Variants in CLNK observed in about 807,000 individuals in gnomAD.
The protein encoded by CLNK is cytokine-dependent hematopoietic cell linker.
In CLNK, 74 loss-of-function variants were observed where a neutral mutation model predicts 68.6. The observed-to-expected ratio is 1.08, with a 90% CI of 0.89 to 1.31. The LOEUF (loss-of-function observed/expected upper bound fraction) is 1.31, where lower values mean the gene tolerates loss of function less well. Among genes scored for constraint, CLNK ranks in the 50% most tolerant of loss-of-function variants. The pLI is 0.00. For missense variants in CLNK, 553 were observed against 515.3 expected (o/e 1.07, Z -0.71); for synonymous variants, 198 against 172.2 (o/e 1.15, Z -1.17).
At chr4:10,597,313 G>C (rs902976150) in intron 3 of CLNK, among the ~76,000 whole-genome samples, 1 of 152,190 alleles carries the variant, frequency 6.6e-6, no homozygotes, top group Non-Finnish European at 1.5e-5. Context: ...CTGCGCATGA[G>C]GATGTGGCCC....
chr4:10,585,105 A>T (rs1720923151), intron 3 of CLNK, 150 bp from the exon 4 acceptor site: 1 of 630,618 alleles, frequency 1.6e-6, no homozygotes, highest in African/African-American at 1.8e-5. Context: ...CTGAAGTCAC[A>T]TATTATTCTA....
intron 14 of CLNK, chr4:10,524,074 G>GA (rs1490915965): frequency 5.5e-4 from 101 of 184,204 alleles, no homozygotes; most frequent in Admixed American, 1.2e-3. Flanking sequence ...AAGAAAGAAA[G>GA]AAAGAAAAGA....
chr4:10,579,446 C>T (rs1720697920), intron 4 of CLNK, among the ~76,000 whole-genome samples: 1 of 152,168 alleles, frequency 6.6e-6, no homozygotes, highest in Non-Finnish European at 1.5e-5. Flanking sequence ...TATACATTTA[C>T]ATGCCATATA....
chr4:10,638,425 C>T (rs138974077), intron 2 of CLNK, among the ~76,000 whole-genome samples: 3 of 152,162 alleles, frequency 2.0e-5, no homozygotes, highest in Non-Finnish European at 4.4e-5. Context: ...TCAAAGGTGG[C>T]TTTGGCGAAA....
the CLNK span, among the ~76,000 whole-genome samples, chr4:10,723,919 A>AGAGAGAGACAGAGAGAGAG: frequency 6.1e-5 from 9 of 148,016 alleles, no homozygotes; most frequent in South Asian, 4.4e-4. Context: ...AGAGAGAGAG[A>AGAGAGAGACAGAGAGAGAG]AGGCAGGGCA....
intron 2 of CLNK, among the ~76,000 whole-genome samples, chr4:10,603,048 C>T (rs535738144): frequency 2.6e-5 from 4 of 152,218 alleles, no homozygotes; most frequent in South Asian, 2.1e-4. Context: ...GAGATGCTCC[C>T]GGCTACACCC....
intron 2 of CLNK, among the ~76,000 whole-genome samples, chr4:10,609,425 G>A (rs138266347): frequency 1.3e-5 from 2 of 152,328 alleles, no homozygotes; most frequent in African/African-American, 2.4e-5. Context: ...CTGACTCACA[G>A]TAAGGCCCTC....
At chr4:10,575,933 G>A (rs1388368446) in intron 4 of CLNK, among the ~76,000 whole-genome samples, 2 of 152,046 alleles carry the variant, frequency 1.3e-5, no homozygotes, top group Non-Finnish European at 2.9e-5. Flanking sequence ...TTTCTCCATA[G>A]CATCTAGGAA....
intron 13 of CLNK, among the ~76,000 whole-genome samples, chr4:10,526,726 C>A (rs1210728152): frequency 6.6e-6 from 1 of 152,166 alleles, no homozygotes; most frequent in Non-Finnish European, 1.5e-5. Flanking sequence ...TTTTTCCCCC[C>A]TCGATCATCA....
intron 7 of CLNK, among the ~76,000 whole-genome samples, chr4:10,561,909 T>A (rs750080116): frequency 1.3e-5 from 2 of 152,214 alleles, no homozygotes; most frequent in Non-Finnish European, 2.9e-5. Flanking sequence ...GAAAGTTTGT[T>A]ATTTTTCATT....
intron 11 of CLNK, among the ~76,000 whole-genome samples, chr4:10,532,696 A>G (rs752896261): frequency 6.6e-6 from 1 of 152,186 alleles, no homozygotes; most frequent in Admixed American, 6.5e-5. Flanking sequence ...TGTCAGGTGC[A>G]GTGGGGTCTC....
At chr4:10,559,171 T>C (rs1451290506) in intron 7 of CLNK, among the ~76,000 whole-genome samples, 1 of 152,166 alleles carries the variant, frequency 6.6e-6, no homozygotes, top group Admixed American at 6.5e-5. Context: ...AAGGGGTCCC[T>C]ACGTCTTTGA....
intron 2 of CLNK, among the ~76,000 whole-genome samples, chr4:10,666,076 G>T (rs540086112): frequency 6.6e-6 from 1 of 152,350 alleles, no homozygotes; most frequent in South Asian, 2.1e-4. Context: ...AATGGAGGCA[G>T]AGAGGAGAGT....
chr4:10,639,243 A>C (rs1038885672), intron 2 of CLNK, among the ~76,000 whole-genome samples: 2 of 152,200 alleles, frequency 1.3e-5, no homozygotes, highest in African/African-American at 4.8e-5. Context: ...AATGGCTCTG[A>C]GTCTTTTACC....
chr4:10,626,904 C>G (rs917220729), intron 2 of CLNK, among the ~76,000 whole-genome samples: 1 of 152,072 alleles, frequency 6.6e-6, no homozygotes, highest in Non-Finnish European at 1.5e-5. Flanking sequence ...TTAATGTCTC[C>G]CTACCTCAGT....
intron 10 of CLNK, among the ~76,000 whole-genome samples, chr4:10,541,218 AAAAC>A (rs202127583): frequency 0.025 from 3,423 of 134,290 alleles, 91 homozygotes; most frequent in African/African-American, 0.063. Context: ...TCTCAAAAAA[AAAAC>A]AAAAAAAAAA....
At chr4:10,516,208 T>C (rs1717829196) in intron 15 of CLNK, among the ~76,000 whole-genome samples, 2 of 152,116 alleles carry the variant, frequency 1.3e-5, no homozygotes, top group African/African-American at 4.8e-5. Context: ...ATAAACATTA[T>C]GTAAGTAAAA....
At chr4:10,644,366 G>A (rs1723430077) in intron 2 of CLNK, among the ~76,000 whole-genome samples, 1 of 152,138 alleles carries the variant, frequency 6.6e-6, no homozygotes, top group Non-Finnish European at 1.5e-5. Context: ...TAGGTGTTTG[G>A]TTCTCTCCTA....
At chr4:10,498,609 C>T (rs1328118671) in intron 18 of CLNK, among the ~76,000 whole-genome samples, 1 of 152,128 alleles carries the variant, frequency 6.6e-6, no homozygotes, top group African/African-American at 2.4e-5. Context: ...AAGTCCATTA[C>T]CATAGGCATC....
Sources: gnomAD v4.1 joint callset for allele counts (sites outside exome capture counted in the v4.1 genomes callset) on GRCh38, gnomAD v4.1.1 for gene constraint, MANE v1.5 for transcripts, NCBI Gene and HGNC (gene_info 2026-07-23, HGNC 2026-07-21) for gene names.